DGKB: variants seen among roughly 807,000 people sequenced by gnomAD.
DGKB encodes the protein diacylglycerol kinase beta, also known as 90 kDa diacylglycerol kinase.
Under a neutral mutation model 114.3 loss-of-function variants are expected in DGKB, and 67 were observed. The observed-to-expected ratio is 0.59, with a 90% CI of 0.48 to 0.72. The LOEUF is 0.72. Among genes scored for constraint, DGKB ranks in the 30% least tolerant of loss-of-function variants. The pLI, the probability that DGKB is intolerant of heterozygous loss-of-function variation, is 0.00. For synonymous variants in DGKB, 398 were observed against 323.1 expected (o/e 1.23, Z -2.49); for missense variants, 907 against 975.2 (o/e 0.93, Z 0.93).
At chr7:14,463,543 T>A (rs1403853624) in intron 21 of DGKB, among the ~76,000 whole-genome samples, 3 of 152,172 alleles carry the variant, frequency 2.0e-5, no homozygotes, top group Non-Finnish European at 4.4e-5. Context: ...CATCTTACAG[T>A]ATTATATATG....
intron 1 of DGKB, among the ~76,000 whole-genome samples, chr7:14,927,074 TG>T (rs1784786821): frequency 6.6e-6 from 1 of 152,038 alleles, no homozygotes; most frequent in African/African-American, 2.4e-5. Context: ...GATGATTATT[TG>T]TCTACACCAA....
At chr7:14,312,824 T>A (rs933610317) in intron 23 of DGKB, among the ~76,000 whole-genome samples, 3 of 152,212 alleles carry the variant, frequency 2.0e-5, no homozygotes, top group Admixed American at 1.3e-4. Context: ...ATGATAAAAT[T>A]CAATGTTCCA....
intron 23 of DGKB, among the ~76,000 whole-genome samples, chr7:14,200,787 G>A (rs1281350038): frequency 4.6e-5 from 7 of 151,976 alleles, no homozygotes; most frequent in Non-Finnish European, 1.5e-5. Flanking sequence ...CAAAAAGGGA[G>A]AGTGTTTAAC....
At chr7:14,743,282 C>A (rs2128416224) in intron 4 of DGKB, among the ~76,000 whole-genome samples, 1 of 152,132 alleles carries the variant, frequency 6.6e-6, no homozygotes, top group South Asian at 2.1e-4. Flanking sequence ...TTTTCATGTG[C>A]CTTGTAAATA....
intron 13 of DGKB, among the ~76,000 whole-genome samples, chr7:14,663,366 T>C (rs937265924): frequency 2.0e-5 from 3 of 152,064 alleles, no homozygotes; most frequent in African/African-American, 7.2e-5. Flanking sequence ...CAAATGCCTG[T>C]TTAGGTCTCT....
chr7:14,588,555 T>C (rs571906983), intron 17 of DGKB, among the ~76,000 whole-genome samples: 1 of 152,242 alleles, frequency 6.6e-6, no homozygotes, highest in East Asian at 1.9e-4. Context: ...CATCTCCCCT[T>C]TATCCTGGCC....
chr7:14,547,133 T>G (rs1794411498), intron 20 of DGKB, among the ~76,000 whole-genome samples: 1 of 152,136 alleles, frequency 6.6e-6, no homozygotes, highest in Non-Finnish European at 1.5e-5. Flanking sequence ...CCTTTTCTCC[T>G]TTTCTTTTGA....
chr7:14,218,659 T>C (rs915067145), intron 23 of DGKB, among the ~76,000 whole-genome samples: 8 of 152,086 alleles, frequency 5.3e-5, no homozygotes, highest in Non-Finnish European at 4.4e-5. Context: ...TGTCCATTTA[T>C]GGACTTTCTA....
chr7:14,567,234 T>TTA (rs1797581851), intron 20 of DGKB, among the ~76,000 whole-genome samples: 1 of 55,598 alleles, frequency 1.8e-5, no homozygotes, highest in Non-Finnish European at 3.1e-5. Flanking sequence ...ATATATATAA[T>TTA]TATATTATAT....
chr7:14,283,851 A>C (rs1174928685), intron 23 of DGKB, among the ~76,000 whole-genome samples: 2 of 152,076 alleles, frequency 1.3e-5, no homozygotes, highest in Non-Finnish European at 2.9e-5. Flanking sequence ...TACACCTTAT[A>C]CAAAAATCAA....
chr7:14,737,588 T>C (rs1831924117), intron 4 of DGKB, among the ~76,000 whole-genome samples: 1 of 152,132 alleles, frequency 6.6e-6, no homozygotes, highest in South Asian at 2.1e-4. Flanking sequence ...ACATACGATG[T>C]TTGCTTTTTA....
chr7:14,280,447 T>C (rs1394451146), intron 23 of DGKB, among the ~76,000 whole-genome samples: 1 of 150,400 alleles, frequency 6.6e-6, no homozygotes, highest in East Asian at 2.0e-4. Flanking sequence ...CAGGATGTTA[T>C]CCAGGAGAAT....
chr7:14,267,272 G>C (rs1797653167), intron 23 of DGKB, among the ~76,000 whole-genome samples: 1 of 152,100 alleles, frequency 6.6e-6, no homozygotes, highest in South Asian at 2.1e-4. Flanking sequence ...AACTGTGTAA[G>C]AAATTCAACT....
chr7:14,405,693 A>G (rs1227458750), intron 21 of DGKB, among the ~76,000 whole-genome samples: 1 of 152,162 alleles, frequency 6.6e-6, no homozygotes, highest in Non-Finnish European at 1.5e-5. Context: ...TTCAAGCTAT[A>G]TAGGTTGTGC....
chr7:14,719,100 A>G (rs902545435), intron 5 of DGKB, among the ~76,000 whole-genome samples: 1 of 152,240 alleles, frequency 6.6e-6, no homozygotes, highest in Non-Finnish European at 1.5e-5. Flanking sequence ...GTCTTTCACA[A>G]TATAATTTCT....
chr7:14,358,436 C>T (rs1281066144), intron 21 of DGKB, among the ~76,000 whole-genome samples: 4 of 152,086 alleles, frequency 2.6e-5, no homozygotes, highest in Admixed American at 2.6e-4. Flanking sequence ...TTTTCAGCTC[C>T]ATCAGGTCAT....
intron 8 of DGKB, among the ~76,000 whole-genome samples, chr7:14,695,681 G>A (rs1585729038): frequency 6.6e-6 from 1 of 151,576 alleles, no homozygotes; most frequent in East Asian, 2.0e-4. Flanking sequence ...TTTTGTGTGT[G>A]TATTTTTAGT....
At chr7:14,239,951 C>G (rs1263558767) in intron 23 of DGKB, among the ~76,000 whole-genome samples, 6 of 151,958 alleles carry the variant, frequency 3.9e-5, no homozygotes, top group Admixed American at 3.9e-4. Context: ...AAGGAATATA[C>G]TTTAGGTCTT....
At chr7:14,924,801 A>T (rs1053276749) in intron 1 of DGKB, among the ~76,000 whole-genome samples, 3 of 152,168 alleles carry the variant, frequency 2.0e-5, no homozygotes, top group African/African-American at 7.2e-5. Context: ...ATACAGAAAC[A>T]CTGAAGTACC....
Sources: allele counts gnomAD v4.1 joint callset (sites outside exome capture counted in the v4.1 genomes callset), GRCh38; gene constraint gnomAD v4.1.1; transcripts MANE v1.5; gene names NCBI Gene and HGNC (gene_info 2026-07-23, HGNC 2026-07-21).